ZNF268: variants seen among roughly 807,000 people sequenced by gnomAD.
ZNF268 encodes the protein zinc finger protein 268, also known as zinc finger protein 3.
In ZNF268, 20 loss-of-function variants were observed where a neutral mutation model predicts 29.3. That is an observed-to-expected ratio of 0.68 (90% confidence interval 0.48 to 0.99). The LOEUF is 0.99. ZNF268 is among the 50% of genes least tolerant of loss of function. The probability of loss-of-function intolerance (pLI) is 0.00; values close to 1 mark genes in which losing one functional copy is unlikely to be tolerated. For missense variants in ZNF268, 1,240 were observed against 1,121.6 expected (o/e 1.11, Z -1.51); for synonymous variants, 429 against 376.9 (o/e 1.14, Z -1.60).
chr12:133,203,933 A>G lies in ZNF268; in HGVS notation c.2247A>G (p.Glu749=). 1 of 1,593,172 alleles carries G rather than the reference A, an allele frequency of 6.3e-7. No homozygotes were observed. The highest frequency in any genetic ancestry group is 8.5e-7 in the Non-Finnish European group (1 of 1,171,810). Residue 749 remains glutamate (E), a synonymous_variant, in exon 6 of 6, where the codon GAA becomes GAG. Coordinates refer to ENST00000536435, the MANE Select transcript of ZNF268 (RefSeq NM_003415.3). The part of the protein sequence containing the change: ...LIVHQRIHTG[E]NPYECSECGK... ...TGCATCAGAGAATTCACACAGGAGA[A>G]AATCCCTATGAATGCAGTGAATGTG...
At chr12:133,192,107 C>CTT (rs200581552) in intron 5 of ZNF268, 104 bp downstream of exon 5, 6,858 of 528,232 alleles carry the variant, frequency 0.013, no homozygotes, top group East Asian at 0.02. Context: ...TTACCATGCA[C>CTT]TTTTTTTTTT....
chr12:133,181,758 T>A (rs527751050), intron 1 of ZNF268, 72 bp downstream of exon 1: 1 of 560,760 alleles, frequency 1.8e-6, no homozygotes, highest in East Asian at 2.9e-5. Context: ...CTCCTGCTGC[T>A]GACCCGGGGC....
rs750434676 is a variant in ZNF268, at chr12:133,202,324, T to C, written c.638T>C (p.Ile213Thr). 1.2e-6 allele frequency: 2 copies of C among 1,611,756 alleles called. No homozygotes were observed. Among genetic ancestry groups the C allele is most frequent in the South Asian group, 1.1e-5 (1 of 90,780 alleles). Reference sequence around the variant, plus strand: ...ACGCATGGAAAGAGTTTGAAATATATAGATTTCACTAGTGATTATGCTAGA... The same window carrying C: ...ACGCATGGAAAGAGTTTGAAATATACAGATTTCACTAGTGATTATGCTAGA... ...CGTHGKSLKY[I>T]DFTSDYARNN... Residue 213 changes from isoleucine to threonine, a missense_variant, in exon 6 of 6, where the codon ATA becomes ACA. Transcript: ENST00000536435.
chr12:133,186,089 G>A (rs1956307324), intron 2 of ZNF268, among the ~76,000 whole-genome samples: 1 of 152,168 alleles, frequency 6.6e-6, no homozygotes, highest in South Asian at 2.1e-4. Flanking sequence ...GGTGAATACT[G>A]TTTTTCTCCT....
At position 133,214,357 on chromosome 12, in the gene ZNF268, C is replaced by T. The variant is rs908021471; in HGVS notation, c.*9827C>T. ...CTGCTATGACTGACCCTTGCTACAA[C>T]GTGGAGGAACCTCAGAAACATTGTG... On this transcript the variant is annotated 3_prime_UTR_variant, in exon 6 of 6. Transcript: ENST00000536435. 2 of 152,096 alleles carry T rather than the reference C, an allele frequency of 1.3e-5. No individual in the cohort carries two copies. The highest frequency in any genetic ancestry group is 1.9e-4 in the East Asian group (1 of 5,178). The allele number at this position is 152,096 out of a possible 1,614,324, so 9.4% of individuals were successfully genotyped here.
At position 133,205,803 on chromosome 12, in the gene ZNF268, T is replaced by TAG. The variant is rs1197308322; in HGVS notation, c.*1274_*1275insGA. On this transcript the variant is annotated 3_prime_UTR_variant, in exon 6 of 6. Coordinates refer to ENST00000536435, the MANE Select transcript of ZNF268 (RefSeq NM_003415.3). ...CTTAACGAAACATTCCCTAACGGTG[T>TAG]ATGTAGTCATGAGGGAACCACCATT... is the stretch of plus-strand genomic sequence containing the variant. 1 of 152,180 alleles carries TAG rather than the reference T, an allele frequency of 6.6e-6. No individual in the cohort carries two copies. Among genetic ancestry groups the TAG allele is most frequent in the Non-Finnish European group, 1.5e-5 (1 of 68,048 alleles). The allele number at this position is 152,180 out of a possible 1,614,324, so 9.4% of individuals were successfully genotyped here.
chr12:133,207,884 A>T lies in ZNF268; in HGVS notation c.*3354A>T, dbSNP rs1956927745. 6.6e-6 allele frequency: 1 copy of T among 152,180 alleles called. No homozygotes were observed. The highest frequency in any genetic ancestry group is 1.5e-5 in the Non-Finnish European group (1 of 68,038). 9.4% of individuals were successfully genotyped at this position (152,180 alleles called of 1,614,324 possible). A position where few individuals can be genotyped will look rare whatever the true frequency, so the allele number is the denominator to read the frequency against. On this transcript the variant is annotated 3_prime_UTR_variant, in exon 6 of 6. Coordinates refer to ENST00000536435, the MANE Select transcript of ZNF268 (RefSeq NM_003415.3). ...TAACTACCAGATAAAACTCATAAGGATTATCTCAGTATATGCTGATAAATC... is the reference window on the plus strand; with the variant it reads ...TAACTACCAGATAAAACTCATAAGGTTTATCTCAGTATATGCTGATAAATC...
At chr12:133,188,621 A>T (rs1240205328) in intron 3 of ZNF268, among the ~76,000 whole-genome samples, 1 of 151,902 alleles carries the variant, frequency 6.6e-6, no homozygotes, top group Non-Finnish European at 1.5e-5. Context: ...TTTGTGTTTT[A>T]TGTGTATCCT....
At chr12:133,191,215 G>T (rs575483447) in intron 3 of ZNF268, among the ~76,000 whole-genome samples, 19 of 152,062 alleles carry the variant, frequency 1.2e-4, no homozygotes, top group African/African-American at 4.6e-4. Context: ...TACTCGGGAG[G>T]CTGAGGCAGG....
At chr12:133,193,420 T>G (rs902472904) in intron 5 of ZNF268, 1 of 656,006 alleles carries the variant, frequency 1.5e-6, no homozygotes, top group Non-Finnish European at 2.7e-6. Flanking sequence ...GAAATTTATT[T>G]CTCACAGTTT....
intron 2 of ZNF268, among the ~76,000 whole-genome samples, chr12:133,184,167 G>A (rs548042104): frequency 3.3e-5 from 5 of 150,818 alleles, no homozygotes; most frequent in South Asian, 2.1e-4. Context: ...GTGCGGTGGC[G>A]CGATCTTGGC....
intron 5 of ZNF268, 36 bp downstream of exon 5, chr12:133,192,039 A>T (rs1956488385): frequency 1.3e-6 from 2 of 1,540,966 alleles, no homozygotes; most frequent in African/African-American, 2.7e-5. Context: ...TTCTTTATTT[A>T]GAATTAGCAT....
intron 5 of ZNF268, among the ~76,000 whole-genome samples, chr12:133,192,853 G>A (rs1401725597): frequency 6.6e-6 from 1 of 152,086 alleles, no homozygotes; most frequent in African/African-American, 2.4e-5. Context: ...TAGATACAGG[G>A]TTTCACCACA....
chr12:133,182,983 G>A (rs901196602), intron 2 of ZNF268, among the ~76,000 whole-genome samples: 2 of 152,120 alleles, frequency 1.3e-5, no homozygotes, highest in East Asian at 1.9e-4. Flanking sequence ...GGCGAGTGGC[G>A]GTTTAGTGAG....
Position 133,209,209 on chromosome 12 carries a change from G to C in ZNF268, c.*4679G>C, listed in dbSNP as rs915908138. 6.6e-6 allele frequency: 1 copy of C among 152,196 alleles called. No homozygotes were observed. Among genetic ancestry groups the C allele is most frequent in the African/African-American group, 2.4e-5 (1 of 41,438 alleles). The allele number at this position is 152,196 out of a possible 1,614,324, so 9.4% of individuals were successfully genotyped here. A position where few individuals can be genotyped will look rare whatever the true frequency, so the allele number is the denominator to read the frequency against. ...CACCCTCAGCCTCCCAAAGTGCTGG[G>C]ATTACAGGTGTGAGCCACTGGTCTG... On this transcript the variant is annotated 3_prime_UTR_variant, in exon 6 of 6. Transcript: ENST00000536435.
rs1256625458 is a variant in ZNF268 at position 133,213,392 on chromosome 12, AGTGAAAAGGAGCTGG to A, written c.*8866_*8880del. ...CGGCATCAGTGGACACTATCAAGAAAGTGAAAAGGAGCTGGGTGTGGTGGCTCACGCCTGTAATTC... is the reference window on the plus strand; with the variant it reads ...CGGCATCAGTGGACACTATCAAGAAAGTGTGGTGGCTCACGCCTGTAATTC... On this transcript the variant is annotated 3_prime_UTR_variant, in exon 6 of 6. Coordinates refer to ENST00000536435, the MANE Select transcript of ZNF268 (RefSeq NM_003415.3). 3 of 151,946 alleles carry A rather than the reference AGTGAAAAGGAGCTGG, an allele frequency of 2.0e-5. No homozygotes were observed. Among genetic ancestry groups the A allele is most frequent in the African/African-American group, 7.3e-5 (3 of 41,364 alleles). The allele number at this position is 151,946 out of a possible 1,614,324, so 9.4% of individuals were successfully genotyped here.
intron 5 of ZNF268, among the ~76,000 whole-genome samples, chr12:133,197,317 T>A (rs1593908497): frequency 6.6e-6 from 1 of 150,602 alleles, no homozygotes; most frequent in East Asian, 2.0e-4. Context: ...GATAGTTTAC[T>A]GAGAATGATG....
intron 5 of ZNF268, among the ~76,000 whole-genome samples, chr12:133,199,264 A>C (rs558287742): frequency 2.0e-5 from 3 of 152,322 alleles, no homozygotes; most frequent in Non-Finnish European, 4.4e-5. Flanking sequence ...GAATTTTGTC[A>C]GAGGCCTTCT....
Position 133,203,248 on chromosome 12 carries a change from C to T in ZNF268, c.1562C>T (p.Thr521Ile). 1 of 1,537,964 alleles carries T rather than the reference C, an allele frequency of 6.5e-7. No homozygotes were observed. Among genetic ancestry groups the T allele is most frequent in the Non-Finnish European group, 8.7e-7 (1 of 1,146,920 alleles). Residue 521 changes from threonine to isoleucine, a missense_variant, in exon 6 of 6, where the codon ACT (threonine) becomes ATT (isoleucine). Physicochemically the swap from Thr to Ile is moderately conservative, Grantham distance 89. Coordinates refer to ENST00000536435, the MANE Select transcript of ZNF268 (RefSeq NM_003415.3). ...SKSYLIIHTRTHTGEKLHECN... is the reference protein window; with the variant it reads ...SKSYLIIHTRIHTGEKLHECN... Reference sequence around the variant, plus strand: ...TCATACCTTATTATACATACAAGGACTCATACAGGAGAAAAACTCCATGAA... The same window carrying T: ...TCATACCTTATTATACATACAAGGATTCATACAGGAGAAAAACTCCATGAA...
Sources: gnomAD v4.1 joint callset for allele counts (sites outside exome capture counted in the v4.1 genomes callset) on GRCh38, gnomAD v4.1.1 for gene constraint, MANE v1.5 for transcripts, NCBI Gene and HGNC (gene_info 2026-07-23, HGNC 2026-07-21) for gene names.